Variants in EXOC4 observed in about 807,000 individuals in gnomAD.
EXOC4 encodes the protein exocyst complex component 4, also known as SEC8-like 1.
A neutral mutation model predicts 107.2 loss-of-function variants in EXOC4; 71 were observed. The observed-to-expected ratio is 0.66, with a 90% CI of 0.55 to 0.81. The LOEUF (loss-of-function observed/expected upper bound fraction) is 0.81. EXOC4 is among the 30% of genes least tolerant of loss of function. The pLI is 0.00. For synonymous variants in EXOC4, 456 were observed against 441.2 expected (o/e 1.03, Z -0.42); for missense variants, 1,108 against 1,189.6 (o/e 0.93, Z 1.01).
At chr7:133,284,602 G>T (rs2150538111) in intron 2 of EXOC4, among the ~76,000 whole-genome samples, 2 of 152,270 alleles carry the variant, frequency 1.3e-5, no homozygotes, top group Middle Eastern at 6.8e-3. Context: ...CCCGATCTCG[G>T]CTCACTGCAA....
At chr7:133,638,494 G>A (rs917490001) in intron 10 of EXOC4, among the ~76,000 whole-genome samples, 1 of 152,114 alleles carries the variant, frequency 6.6e-6, no homozygotes, top group Non-Finnish European at 1.5e-5. Context: ...GAGTCAAGGA[G>A]TATAGTTGAC....
chr7:133,442,279 AG>A (rs1393238000), intron 7 of EXOC4, among the ~76,000 whole-genome samples: 4 of 152,206 alleles, frequency 2.6e-5, no homozygotes, highest in Admixed American at 2.6e-4. Context: ...GCGTGAAGTG[AG>A]GGGAACAGAA....
chr7:133,393,845 G>T (rs1488963903), intron 7 of EXOC4, among the ~76,000 whole-genome samples: 1 of 152,172 alleles, frequency 6.6e-6, no homozygotes, highest in Non-Finnish European at 1.5e-5. Context: ...TTTGAACTAA[G>T]ACAAGGTTGA....
chr7:133,389,504 C>T (rs760964061), intron 7 of EXOC4, among the ~76,000 whole-genome samples: 10 of 139,674 alleles, frequency 7.2e-5, no homozygotes, highest in South Asian at 2.4e-4. Context: ...ACCCAGGAGG[C>T]GGAGCTTGCA....
intron 17 of EXOC4, among the ~76,000 whole-genome samples, chr7:134,030,691 A>AC (rs905525788): frequency 1.2e-3 from 26 of 22,462 alleles, no homozygotes; most frequent in East Asian, 2.9e-3. Context: ...CCCCCAGCTC[A>AC]CCCCCCCGCC....
At chr7:133,623,339 C>T (rs183820263) in intron 9 of EXOC4, among the ~76,000 whole-genome samples, 1 of 152,050 alleles carries the variant, frequency 6.6e-6, no homozygotes, top group Non-Finnish European at 1.5e-5. Flanking sequence ...CTTTTTCAGC[C>T]CTTTCTTGAA....
At chr7:133,714,376 T>A (rs1377385705) in intron 10 of EXOC4, among the ~76,000 whole-genome samples, 1 of 152,148 alleles carries the variant, frequency 6.6e-6, no homozygotes, top group East Asian at 1.9e-4. Context: ...TAGGAATCAA[T>A]TGTGTTAGCA....
intron 11 of EXOC4, among the ~76,000 whole-genome samples, chr7:133,852,734 G>C (rs985792342): frequency 6.6e-6 from 1 of 152,130 alleles, no homozygotes; most frequent in African/African-American, 2.4e-5. Context: ...GCATTTTCCT[G>C]ACTCCTGTCC....
At chr7:133,547,519 C>A (rs182748994) in intron 9 of EXOC4, among the ~76,000 whole-genome samples, 138 of 152,294 alleles carry the variant, frequency 9.1e-4, no homozygotes, top group Admixed American at 1.4e-3. Context: ...GCATGCCATG[C>A]TGTTTGATAG....
At chr7:133,340,240 A>C (rs369526993) in intron 5 of EXOC4, among the ~76,000 whole-genome samples, 2 of 152,040 alleles carry the variant, frequency 1.3e-5, no homozygotes, top group Non-Finnish European at 2.9e-5. Flanking sequence ...ATTTCGTCCA[A>C]TGTTTTTTCT....
intron 11 of EXOC4, among the ~76,000 whole-genome samples, chr7:133,836,313 C>A (rs568387214): frequency 6.6e-6 from 1 of 152,102 alleles, no homozygotes; most frequent in Non-Finnish European, 1.5e-5. Flanking sequence ...TTAATTTCTT[C>A]GCTGGAGTCA....
At chr7:133,634,961 G>GCT (rs1802673199) in intron 10 of EXOC4, among the ~76,000 whole-genome samples, 1 of 79,652 alleles carries the variant, frequency 1.3e-5, no homozygotes, top group Non-Finnish European at 2.5e-5. Flanking sequence ...CTGTCTTTCA[G>GCT]CTCTCTCTAG....
At chr7:133,489,548 T>C (rs1303982353) in intron 9 of EXOC4, among the ~76,000 whole-genome samples, 1 of 152,136 alleles carries the variant, frequency 6.6e-6, no homozygotes, top group Non-Finnish European at 1.5e-5. Context: ...ATCTTTGTGG[T>C]TAGAAGAGTT....
chr7:133,779,619 T>G (rs1796417651), intron 10 of EXOC4, among the ~76,000 whole-genome samples: 1 of 152,144 alleles, frequency 6.6e-6, no homozygotes, highest in Non-Finnish European at 1.5e-5. Flanking sequence ...CACCAATCAG[T>G]GCTCTGTAAA....
intron 9 of EXOC4, among the ~76,000 whole-genome samples, chr7:133,608,554 T>TTC (rs1802005222): frequency 1.4e-5 from 2 of 143,318 alleles, no homozygotes; most frequent in Non-Finnish European, 1.5e-5. Flanking sequence ...TTCTTTTTTT[T>TTC]TTTTTTTTTT....
intron 17 of EXOC4, among the ~76,000 whole-genome samples, chr7:134,059,923 C>T (rs1344993204): frequency 1.3e-5 from 2 of 152,064 alleles, no homozygotes; most frequent in Non-Finnish European, 2.9e-5. Context: ...AAGATCTGCC[C>T]ACCTTTCCAA....
intron 15 of EXOC4, among the ~76,000 whole-genome samples, chr7:134,002,515 A>G (rs971308535): frequency 1.3e-5 from 2 of 152,176 alleles, no homozygotes; most frequent in African/African-American, 4.8e-5. Flanking sequence ...AGACATTGTC[A>G]AGGTTAAAAT....
At chr7:133,844,201 C>T (rs1010169863) in intron 11 of EXOC4, among the ~76,000 whole-genome samples, 3 of 151,942 alleles carry the variant, frequency 2.0e-5, no homozygotes, top group African/African-American at 4.8e-5. Context: ...AGGAGTCCCT[C>T]CTTCTCAATT....
chr7:133,594,650 C>T (rs1034357409), intron 9 of EXOC4, among the ~76,000 whole-genome samples: 12 of 151,864 alleles, frequency 7.9e-5, no homozygotes, highest in African/African-American at 2.2e-4. Context: ...CATGCCACCA[C>T]GCCCAGCTAA....
Sources: gnomAD v4.1 joint callset for allele counts (sites outside exome capture counted in the v4.1 genomes callset) on GRCh38, gnomAD v4.1.1 for gene constraint, MANE v1.5 for transcripts, NCBI Gene and HGNC (gene_info 2026-07-23, HGNC 2026-07-21) for gene names.